The following PDE9A variants were observed in gnomAD, a reference collection of about 807,000 sequenced individuals.
PDE9A encodes high affinity cGMP-specific 3',5'-cyclic phosphodiesterase 9A.
In PDE9A, 60 loss-of-function variants were observed where a neutral mutation model predicts 87.4. That is an observed-to-expected ratio of 0.69 (90% CI 0.56 to 0.85). The LOEUF (loss-of-function observed/expected upper bound fraction) is 0.85, where lower values mean the gene tolerates loss of function less well. Among genes scored for constraint, PDE9A ranks in the 40% least tolerant of loss-of-function variants. PDE9A has a pLI of 0.00. For missense variants in PDE9A, 665 were observed against 779.0 expected (o/e 0.85, Z 1.74); for synonymous variants, 272 against 279.4 (o/e 0.97, Z 0.27).
chr21:42,664,700 G>A (rs189850166), intron 1 of PDE9A, among the ~76,000 whole-genome samples: 120 of 152,346 alleles, frequency 7.9e-4, no homozygotes, highest in African/African-American at 2.5e-3. Flanking sequence ...ATTCCCATCC[G>A]AATGGAAGCC....
chr21:42,753,916 G>T, intron 9 of PDE9A, 74 bp from the exon 10 acceptor site: 1 of 717,134 alleles, frequency 1.4e-6, no homozygotes. Context: ...AGAAAGAGGA[G>T]AAATATCTCA....
intron 7 of PDE9A, among the ~76,000 whole-genome samples, chr21:42,738,631 G>A (rs1431776427): frequency 6.6e-6 from 1 of 152,140 alleles, no homozygotes; most frequent in Non-Finnish European, 1.5e-5. Context: ...AGTTTTTCCT[G>A]CAGGTGGCCT....
chr21:42,724,350 G>A (rs1344030769), intron 4 of PDE9A, among the ~76,000 whole-genome samples: 4 of 152,212 alleles, frequency 2.6e-5, no homozygotes, highest in African/African-American at 9.6e-5. Context: ...GGCTGGGCTG[G>A]TGCTGTCCTG....
chr21:42,756,062 G>A (rs1370309106), intron 10 of PDE9A, among the ~76,000 whole-genome samples: 2 of 152,240 alleles, frequency 1.3e-5, no homozygotes, highest in Admixed American at 6.5e-5. Flanking sequence ...AGCTGCTCTC[G>A]GGGCTGGCAG....
rs1195841226 is a variant in PDE9A, at chr21:42,770,690, G to T, written c.1591-13G>T. 6.2e-7 allele frequency: 1 copy of T among 1,603,026 alleles called. No individual in the cohort carries two copies. Among genetic ancestry groups the T allele is most frequent in the Non-Finnish European group, 8.5e-7 (1 of 1,170,018 alleles). On this transcript the variant is annotated splice_polypyrimidine_tract_variant and intron_variant, in intron 17 of 19. Coordinates refer to ENST00000291539, the MANE Select transcript of PDE9A (RefSeq NM_002606.3). ...AACGAGGGACTCTGAATAAATCCGT[G>T]TGTCTCTCCCAGCTCTTCCCCATGG... is the stretch of plus-strand genomic sequence containing the variant.
At chr21:42,751,291 C>T (rs1008540845) in intron 9 of PDE9A, 94 bp downstream of exon 9, 6 of 894,912 alleles carry the variant, frequency 6.7e-6, no homozygotes, top group South Asian at 2.6e-5. Flanking sequence ...GCTGTGTGTA[C>T]GTTCACATCA....
At chr21:42,726,283 G>C (rs931587984) in intron 4 of PDE9A, among the ~76,000 whole-genome samples, 1 of 151,992 alleles carries the variant, frequency 6.6e-6, no homozygotes, top group African/African-American at 2.4e-5. Context: ...CCTCTTACCA[G>C]GATCTTTCTC....
At chr21:42,701,600 C>T (rs1037173312) in intron 4 of PDE9A, among the ~76,000 whole-genome samples, 6 of 151,880 alleles carry the variant, frequency 4.0e-5, no homozygotes, top group South Asian at 2.1e-4. Flanking sequence ...CCATGCCCGG[C>T]GAATTTTTTA....
chr21:42,658,113 C>A (rs1254301976), intron 1 of PDE9A, among the ~76,000 whole-genome samples: 1 of 152,208 alleles, frequency 6.6e-6, no homozygotes, highest in African/African-American at 2.4e-5. Flanking sequence ...ATGCGGGAGC[C>A]CAGGGCTCCG....
chr21:42,761,148 C>T (rs959713053), intron 13 of PDE9A, among the ~76,000 whole-genome samples: 5 of 152,230 alleles, frequency 3.3e-5, no homozygotes, highest in African/African-American at 9.6e-5. Flanking sequence ...CACTCCTGTG[C>T]GGGCCTGGCT....
intron 10 of PDE9A, among the ~76,000 whole-genome samples, chr21:42,755,889 G>A (rs2054990366): frequency 6.6e-6 from 1 of 152,246 alleles, no homozygotes; most frequent in Non-Finnish European, 1.5e-5. Context: ...CACCTGCGTG[G>A]AAACTGGCAC....
chr21:42,728,567 AT>A (rs1386853463), intron 4 of PDE9A, among the ~76,000 whole-genome samples: 2 of 152,160 alleles, frequency 1.3e-5, no homozygotes, highest in Non-Finnish European at 2.9e-5. Flanking sequence ...ATATGCAATT[AT>A]TTTTATCTAT....
chr21:42,769,494 G>C (rs759956231), intron 17 of PDE9A, among the ~76,000 whole-genome samples: 1 of 9,312 alleles, frequency 1.1e-4, no homozygotes, highest in Non-Finnish European at 3.0e-4. Context: ...ATGCACACAA[G>C]GCACGCAGGT....
At chr21:42,724,587 A>T (rs948685880) in intron 4 of PDE9A, 20 of 985,364 alleles carry the variant, frequency 2.0e-5, no homozygotes, top group Non-Finnish European at 2.4e-5. Context: ...TTATCTAAAG[A>T]GGCGGTTCCG....
chr21:42,687,312 A>T (rs1012790367), intron 2 of PDE9A, among the ~76,000 whole-genome samples: 1 of 152,226 alleles, frequency 6.6e-6, no homozygotes, highest in African/African-American at 2.4e-5. Context: ...CCATATATGA[A>T]GCAATGTGCC....
intron 3 of PDE9A, among the ~76,000 whole-genome samples, chr21:42,698,417 G>A (rs533432977): frequency 1.3e-5 from 2 of 152,280 alleles, no homozygotes; most frequent in South Asian, 2.1e-4. Context: ...AGAGGCTGTC[G>A]TGTGTCAGCG....
intron 1 of PDE9A, among the ~76,000 whole-genome samples, chr21:42,662,629 C>G (rs552255702): frequency 1.1e-3 from 152 of 144,684 alleles, no homozygotes; most frequent in Non-Finnish European, 1.4e-3. Flanking sequence ...ACACCACACA[C>G]CACACACACG....
In PDE9A at chr21:42,769,159, A is replaced by G. The variant is rs751586484; in HGVS notation, c.1590+4A>G. 5 of 1,612,104 alleles carry G rather than the reference A, an allele frequency of 3.1e-6. No homozygotes were observed. The highest frequency in any genetic ancestry group is 1.7e-4 in the Middle Eastern group (1 of 6,050). Reference sequence around the variant, plus strand: ...AATGTTTGAAACAGTGACCAAGGTGAGTAACTGTCACCACATGTCACACTT... The same window carrying G: ...AATGTTTGAAACAGTGACCAAGGTGGGTAACTGTCACCACATGTCACACTT... On this transcript the variant is annotated splice_donor_region_variant and intron_variant, in intron 17 of 19. Transcript: ENST00000291539.
chr21:42,701,900 C>T (rs1286435441), intron 4 of PDE9A, among the ~76,000 whole-genome samples: 2 of 152,042 alleles, frequency 1.3e-5, no homozygotes, highest in African/African-American at 4.8e-5. Flanking sequence ...TGTCTTTTTC[C>T]CTCTGGCAAC....
Sources: allele counts gnomAD v4.1 joint callset (sites outside exome capture counted in the v4.1 genomes callset), GRCh38; gene constraint gnomAD v4.1.1; transcripts MANE v1.5; gene names NCBI Gene and HGNC (gene_info 2026-07-23, HGNC 2026-07-21).